The following UBE2Z variants were observed in gnomAD, a reference collection of about 807,000 sequenced individuals.
The protein encoded by UBE2Z is ubiquitin-conjugating enzyme E2 Z.
Under a neutral mutation model 32.6 loss-of-function variants are expected in UBE2Z, and 10 were observed. The ratio of observed to expected loss-of-function variants is 0.31; its 90% CI spans 0.19 to 0.52. UBE2Z has a LOEUF of 0.52. Ranked by LOEUF, UBE2Z falls within the 20% of genes least tolerant of loss-of-function variation. UBE2Z has a pLI of 0.97. For missense variants in UBE2Z, 343 were observed against 480.9 expected (o/e 0.71, Z 2.68); for synonymous variants, 183 against 190.8 (o/e 0.96, Z 0.34).
chr17:48,927,444 A>C lies in UBE2Z; in HGVS notation c.*310A>C. The C allele has an allele frequency of 3.4e-6, 1 of 296,098 alleles. No homozygotes were observed. The allele number at this position is 296,098 out of a possible 1,614,324, so 18.3% of individuals were successfully genotyped here. On this transcript the variant is annotated 3_prime_UTR_variant, in exon 7 of 7. Coordinates refer to ENST00000360943, the MANE Select transcript of UBE2Z (RefSeq NM_023079.5). Reference sequence around the variant, plus strand: ...CAAAACAACCAACACACCTCTCCACAGGGCCAGCTCCTTAGGGATAAGTGG... The same window carrying C: ...CAAAACAACCAACACACCTCTCCACCGGGCCAGCTCCTTAGGGATAAGTGG...
At chr17:48,914,654 T>C (rs773595614) in intron 3 of UBE2Z, among the ~76,000 whole-genome samples, 26 of 151,954 alleles carry the variant, frequency 1.7e-4, no homozygotes, top group Admixed American at 1.3e-4. Context: ...GACAGTGGGG[T>C]AAAAGTAGTA....
At chr17:48,912,369 C>A (rs1018783843) in intron 2 of UBE2Z, 1 of 156,138 alleles carries the variant, frequency 6.4e-6, no homozygotes, top group African/African-American at 2.4e-5. Context: ...TTGGCCTGGG[C>A]AAATCCAAAC....
chr17:48,916,012 C>A (rs2040716891), intron 3 of UBE2Z, 64 bp from the exon 4 acceptor site: 2 of 1,114,502 alleles, frequency 1.8e-6, no homozygotes, highest in South Asian at 1.5e-5. Context: ...GTTGCCGGGC[C>A]CCAGGGTACT....
At chr17:48,925,012 A>G (rs1257278886) in intron 6 of UBE2Z, among the ~76,000 whole-genome samples, 11 of 151,488 alleles carry the variant, frequency 7.3e-5, no homozygotes, top group Admixed American at 7.2e-4. Context: ...GCCTGGCGCA[A>G]TGGCTCATGC....
rs1450590146 is a variant in UBE2Z, at chr17:48,908,659, G to A, written c.156G>A (p.Ala52=). The change falls in exon 1 of 7, where the codon GCG becomes GCA. Residue 52 remains alanine (A), a synonymous_variant. Coordinates refer to ENST00000360943, the MANE Select transcript of UBE2Z (RefSeq NM_023079.5). ...ATGTGTGGGCGGCGGCGGCGGCAGC[G>A]GGCGGGGCCGGGGGCCCGGGGAGCG... ...LPDVWAAAAA[A]GGAGGPGSGL... is the part of the protein sequence containing the mutation. The A allele has an allele frequency of 8.2e-7, 1 of 1,221,182 alleles. No individual in the cohort carries two copies. The highest frequency in any genetic ancestry group is 3.3e-5 in the East Asian group (1 of 29,976). 75.6% of individuals were successfully genotyped at this position (1,221,182 alleles called of 1,614,324 possible). A position where few individuals can be genotyped will look rare whatever the true frequency, so the allele number is the denominator to read the frequency against.
At chr17:48,914,638 C>T (rs1325087898) in intron 3 of UBE2Z, among the ~76,000 whole-genome samples, 1 of 152,150 alleles carries the variant, frequency 6.6e-6, no homozygotes, top group Non-Finnish European at 1.5e-5. Flanking sequence ...GAGATACCAG[C>T]CACAGGACAG....
At chr17:48,924,845 CA>C (rs5820735) in intron 6 of UBE2Z, among the ~76,000 whole-genome samples, 18 of 85,750 alleles carry the variant, frequency 2.1e-4, no homozygotes, top group Admixed American at 6.1e-4. Context: ...GATTCTGTCT[CA>C]AAAAAAAAAA....
At chr17:48,919,997 G>A (rs1185847907) in intron 4 of UBE2Z, among the ~76,000 whole-genome samples, 3 of 151,588 alleles carry the variant, frequency 2.0e-5, no homozygotes, top group African/African-American at 4.8e-5. Context: ...CCTGGGCAAC[G>A]TAGTGAGACC....
rs867900864 is a variant in UBE2Z, at chr17:48,922,944, C to T, written c.894+7C>T. 4.4e-6 allele frequency: 7 copies of T among 1,606,286 alleles called. No individual in the cohort carries two copies. The African/African-American group carries it at 6.7e-5, about 15-fold the overall frequency. On this transcript the variant is annotated splice_region_variant and intron_variant, in intron 6 of 6. Transcript: ENST00000360943. ...TCAAGGCCAAACTATGCAGGTAATA[C>T]AACCCCTGCTGCTAATTGCAGAAGC...
At chr17:48,914,491 C>T (rs1255445505) in intron 3 of UBE2Z, among the ~76,000 whole-genome samples, 1 of 152,150 alleles carries the variant, frequency 6.6e-6, no homozygotes, top group African/African-American at 2.4e-5. Flanking sequence ...CGTTAGGGTA[C>T]TTAATTAATT....
rs2040813963 is a variant in UBE2Z at position 48,928,657 on chromosome 17, G to A, written c.*1523G>A. 1 of 152,956 alleles carries A rather than the reference G, an allele frequency of 6.5e-6. No individual in the cohort carries two copies. Among genetic ancestry groups the A allele is most frequent in the South Asian group, 2.1e-4 (1 of 4,830 alleles). The allele number at this position is 152,956 out of a possible 1,614,324, so 9.5% of individuals were successfully genotyped here. A position where few individuals can be genotyped will look rare whatever the true frequency, so the allele number is the denominator to read the frequency against. On this transcript the variant is annotated 3_prime_UTR_variant, in exon 7 of 7. Coordinates refer to ENST00000360943, the MANE Select transcript of UBE2Z (RefSeq NM_023079.5). ...GGGAGGGCAGGAAGCAAAGGAACTG[G>A]ACAGGGATTGGTGGGCTTGGGGAAC...
chr17:48,919,193 C>T (rs2040742342), intron 4 of UBE2Z, among the ~76,000 whole-genome samples: 1 of 151,508 alleles, frequency 6.6e-6, no homozygotes, highest in South Asian at 2.1e-4. Context: ...ACTGTTTTGG[C>T]CAGGCTGGTC....
rs867349933 is a variant in UBE2Z at position 48,928,509 on chromosome 17, G to C, written c.*1375G>C. The C allele has an allele frequency of 3.9e-5, 6 of 152,706 alleles. No homozygotes were observed. Among genetic ancestry groups the C allele is most frequent in the African/African-American group, 1.4e-4 (6 of 41,432 alleles). 9.5% of individuals were successfully genotyped at this position (152,706 alleles called of 1,614,324 possible). Reference sequence around the variant, plus strand: ...TCAGTCAGTGTCCAGCCATGCATAAGGGAGAGGATAGTGTGTACCTGCCCT... The same window carrying C: ...TCAGTCAGTGTCCAGCCATGCATAACGGAGAGGATAGTGTGTACCTGCCCT... On this transcript the variant is annotated 3_prime_UTR_variant, in exon 7 of 7. Transcript: ENST00000360943.
At chr17:48,908,861 GC>G in intron 1 of UBE2Z, 41 bp downstream of exon 1, 2 of 1,367,970 alleles carry the variant, frequency 1.5e-6, no homozygotes, top group South Asian at 1.4e-5. Context: ...GAGCTCCGGG[GC>G]TCGACCTTCC....
intron 2 of UBE2Z, chr17:48,912,543 T>G: frequency 2.7e-6 from 1 of 372,798 alleles, no homozygotes; most frequent in South Asian, 4.7e-5. Flanking sequence ...AAGAGAGTTT[T>G]AGGGGATACT....
intron 5 of UBE2Z, among the ~76,000 whole-genome samples, chr17:48,922,312 G>A (rs1039978318): frequency 2.0e-5 from 3 of 152,020 alleles, no homozygotes; most frequent in East Asian, 3.9e-4. Context: ...ACTTGAACCT[G>A]GGAGGCGGAG....
Sources: gnomAD v4.1 joint callset for allele counts (sites outside exome capture counted in the v4.1 genomes callset) on GRCh38, gnomAD v4.1.1 for gene constraint, MANE v1.5 for transcripts, NCBI Gene and HGNC (gene_info 2026-07-23, HGNC 2026-07-21) for gene names.